Variants in THRB observed in about 807,000 individuals in gnomAD.
THRB encodes the protein thyroid hormone receptor beta, also known as nuclear receptor subfamily 1 group A member 2.
THRB carries 12 observed loss-of-function variants against 47.8 expected under a neutral mutation model. The ratio of observed to expected loss-of-function variants is 0.25; its 90% CI spans 0.16 to 0.41. The LOEUF (loss-of-function observed/expected upper bound fraction) is 0.41. THRB is among the 10% of genes least tolerant of loss of function. THRB has a pLI of 1.00. For synonymous variants in THRB, 218 were observed against 212.2 expected, an observed-to-expected ratio of 1.03 and a Z score of -0.24; for missense variants, 348 against 589.2, an observed-to-expected ratio of 0.59 and a Z score of 4.24.
intron 2 of THRB, among the ~76,000 whole-genome samples, chr3:24,307,728 A>G (rs951484553): frequency 4.6e-5 from 7 of 152,318 alleles, no homozygotes; most frequent in African/African-American, 1.7e-4. Context: ...TATACTATTG[A>G]TATGACTGCA....
chr3:24,127,339 T>A (rs1229483279), intron 10 of THRB, among the ~76,000 whole-genome samples, 160 bp downstream of exon 10: 1 of 152,170 alleles, frequency 6.6e-6, no homozygotes, highest in Non-Finnish European at 1.5e-5. Flanking sequence ...ACGCCCCCCC[T>A]TTAAGTTCCC....
At chr3:24,410,290 C>T (rs1033673541) in intron 1 of THRB, among the ~76,000 whole-genome samples, 5 of 151,806 alleles carry the variant, frequency 3.3e-5, no homozygotes, top group African/African-American at 9.7e-5. Context: ...AATGTGTCTT[C>T]ATTCTGAAAT....
At chr3:24,220,267 G>T (rs2047019619) in intron 4 of THRB, among the ~76,000 whole-genome samples, 1 of 152,164 alleles carries the variant, frequency 6.6e-6, no homozygotes, top group Non-Finnish European at 1.5e-5. Flanking sequence ...AAGGGGGATG[G>T]ATCAGCTGAT....
At chr3:24,438,443 G>T (rs2071191186) in intron 1 of THRB, among the ~76,000 whole-genome samples, 1 of 151,798 alleles carries the variant, frequency 6.6e-6, no homozygotes, top group Non-Finnish European at 1.5e-5. Flanking sequence ...GATATGAGAT[G>T]ACGCCTATCT....
At chr3:24,186,458 C>A (rs2042585020) in intron 5 of THRB, among the ~76,000 whole-genome samples, 2 of 151,990 alleles carry the variant, frequency 1.3e-5, no homozygotes, top group South Asian at 4.2e-4. Flanking sequence ...GGGTGAGTTG[C>A]AGAAGGGAAT....
intron 1 of THRB, among the ~76,000 whole-genome samples, chr3:24,482,994 C>A (rs1489561513): frequency 1.3e-5 from 2 of 152,092 alleles, no homozygotes; most frequent in Non-Finnish European, 2.9e-5. Context: ...CATGATACTT[C>A]TTATCATTGG....
chr3:24,268,045 G>A (rs1367174148), intron 3 of THRB, among the ~76,000 whole-genome samples: 1 of 152,164 alleles, frequency 6.6e-6, no homozygotes, highest in Non-Finnish European at 1.5e-5. Context: ...TTCAGCCTAT[G>A]ATGTTTTCAT....
At chr3:24,126,780 G>A (rs1024925821) in intron 10 of THRB, among the ~76,000 whole-genome samples, 1 of 152,250 alleles carries the variant, frequency 6.6e-6, no homozygotes, top group African/African-American at 2.4e-5. Context: ...TCTACAGGGG[G>A]ACCGTTGAGT....
At chr3:24,281,062 G>A (rs1382609815) in intron 3 of THRB, among the ~76,000 whole-genome samples, 12 of 151,992 alleles carry the variant, frequency 7.9e-5, no homozygotes, top group South Asian at 2.1e-4. Flanking sequence ...GCAGGCCAAC[G>A]TTCAGATTCA....
At chr3:24,481,986 C>T (rs754314728) in intron 1 of THRB, among the ~76,000 whole-genome samples, 1 of 152,112 alleles carries the variant, frequency 6.6e-6, no homozygotes, top group Non-Finnish European at 1.5e-5. Context: ...ATCTTTGAGG[C>T]TGAAAAATAC....
chr3:24,121,095 G>C lies in THRB; in HGVS notation c.*1789C>G, dbSNP rs991414406. ...CATACTTCTTGTCTAATAAAGTTAG[G>C]AATTTAAGTGTTAAAAAAAAATAAT... On this transcript the variant is annotated 3_prime_UTR_variant, in exon 11 of 11. Transcript: ENST00000646209. 9 of 151,540 alleles carry C rather than the reference G, an allele frequency of 5.9e-5. No homozygotes were observed. Among genetic ancestry groups the C allele is most frequent in the Non-Finnish European group, 1.2e-4 (8 of 67,966 alleles). The allele number at this position is 151,540 out of a possible 1,614,324, so 9.4% of individuals were successfully genotyped here.
intron 1 of THRB, among the ~76,000 whole-genome samples, chr3:24,376,156 T>C (rs766471465): frequency 5.3e-5 from 8 of 152,166 alleles, no homozygotes; most frequent in Non-Finnish European, 1.2e-4. Context: ...TAAGTGTGTC[T>C]ATAATGGAGA....
At chr3:24,396,912 T>C (rs546175767) in intron 1 of THRB, among the ~76,000 whole-genome samples, 2 of 152,222 alleles carry the variant, frequency 1.3e-5, no homozygotes, top group South Asian at 2.1e-4. Context: ...ATACCAGATA[T>C]AAAAATGTTG....
chr3:24,310,298 T>C, intron 2 of THRB, among the ~76,000 whole-genome samples: 1 of 152,242 alleles, frequency 6.6e-6, no homozygotes. Context: ...GATTTACCAA[T>C]AACCTTTGCT....
intron 3 of THRB, among the ~76,000 whole-genome samples, chr3:24,283,688 T>C (rs1576537745): frequency 6.8e-6 from 1 of 148,042 alleles, no homozygotes; most frequent in African/African-American, 2.5e-5. Context: ...GAAAACCCCA[T>C]TGTCTCAGCC....
chr3:24,382,361 G>A (rs905108614), intron 1 of THRB, among the ~76,000 whole-genome samples: 20 of 151,914 alleles, frequency 1.3e-4, no homozygotes, highest in African/African-American at 4.3e-4. Flanking sequence ...GCTAGTCAAA[G>A]GATTAATATT....
intron 1 of THRB, among the ~76,000 whole-genome samples, chr3:24,409,407 TGGG>T (rs1172204102): frequency 6.6e-6 from 1 of 151,832 alleles, no homozygotes; most frequent in Non-Finnish European, 1.5e-5. Flanking sequence ...TAATGACTTC[TGGG>T]AGGCAATATA....
chr3:24,160,426 T>C (rs1300971146), intron 5 of THRB, among the ~76,000 whole-genome samples: 1 of 152,016 alleles, frequency 6.6e-6, no homozygotes, highest in East Asian at 1.9e-4. Flanking sequence ...AGGGTGAACC[T>C]GGAGGGAAGA....
intron 1 of THRB, among the ~76,000 whole-genome samples, chr3:24,449,414 G>A (rs1409556459): frequency 6.6e-6 from 1 of 152,182 alleles, no homozygotes; most frequent in Non-Finnish European, 1.5e-5. Flanking sequence ...ATTTTGAGAG[G>A]AAATTCCCAG....
Sources: allele counts gnomAD v4.1 joint callset (sites outside exome capture counted in the v4.1 genomes callset), GRCh38; gene constraint gnomAD v4.1.1; transcripts MANE v1.5; gene names NCBI Gene and HGNC (gene_info 2026-07-23, HGNC 2026-07-21).